DPYSL2: variants seen among roughly 807,000 people sequenced by gnomAD.
DPYSL2 encodes the protein dihydropyrimidinase-related protein 2.
In DPYSL2, 13 loss-of-function variants were observed where a neutral mutation model predicts 69.9. The ratio of observed to expected loss-of-function variants is 0.19; its 90% CI spans 0.12 to 0.30. DPYSL2 has a LOEUF of 0.30. Ranked by LOEUF, DPYSL2 falls within the 10% of genes least tolerant of loss-of-function variation. The pLI is 1.00. For missense variants in DPYSL2, 587 were observed against 918.9 expected, an observed-to-expected ratio of 0.64 and a Z score of 4.67; for synonymous variants, 326 against 359.1, an observed-to-expected ratio of 0.91 and a Z score of 1.04.
intron 1 of DPYSL2, chr8:26,577,744 G>C (rs1801386348): frequency 2.1e-6 from 2 of 945,088 alleles, no homozygotes; most frequent in African/African-American, 1.8e-5. Context: ...GCGGGCGCTC[G>C]CGCCGCCTGC....
At position 26,648,294 on chromosome 8, in the gene DPYSL2, T is replaced by A. The variant is rs573460706; in HGVS notation, c.1596+494T>A. 2.0e-5 allele frequency among the ~76,000 whole-genome samples: 3 copies of A among 152,334 alleles called. No individual in the cohort carries two copies. Among genetic ancestry groups the A allele is most frequent in the Non-Finnish European group, 4.4e-5 (3 of 68,026 alleles). On this transcript the variant is annotated intron_variant, in intron 11 of 13. Transcript: ENST00000521913. The surrounding 1 kb of genome is among the most constrained non-coding windows in gnomAD (Gnocchi z 4.3). ...TATTATCTTAAAGGAATTGATTGAC[T>A]GACTTCTCCCTAACAGAAGTACCCC...
chr8:26,630,682 G>A (rs565687441), intron 7 of DPYSL2, among the ~76,000 whole-genome samples: 1 of 152,290 alleles, frequency 6.6e-6, no homozygotes, highest in Non-Finnish European at 1.5e-5. Flanking sequence ...CCCATGAGTG[G>A]TGGTACCAGA....
At chr8:26,572,297 C>T (rs997279728) in intron 1 of DPYSL2, among the ~76,000 whole-genome samples, 5 of 152,204 alleles carry the variant, frequency 3.3e-5, no homozygotes, top group African/African-American at 9.7e-5. Context: ...CGGGCAGATG[C>T]TGAGGAACTG....
Position 26,587,069 on chromosome 8 carries a change from G to A in DPYSL2, c.628+3086G>A, listed in dbSNP as rs982236697. Among the ~76,000 whole-genome samples the A allele has an allele frequency of 6.6e-6, 1 of 152,202 alleles. No homozygotes were observed. The highest frequency in any genetic ancestry group is 2.4e-5 in the African/African-American group (1 of 41,434). On this transcript the variant is annotated intron_variant, in intron 3 of 13. Coordinates refer to ENST00000521913, the MANE Select transcript of DPYSL2 (RefSeq NM_001197293.3). This position sits in a 1 kb window ranked among gnomAD's most constrained non-coding sequence, Gnocchi z 4.2. ...AGGGAATGGTAATAATACAGGTGAG[G>A]AACTGAGGAATTTTTATCCTTTTTC...
intron 1 of DPYSL2, among the ~76,000 whole-genome samples, chr8:26,529,257 T>TATCTATC (rs1554531956): frequency 6.7e-6 from 1 of 149,088 alleles, no homozygotes; most frequent in African/African-American, 2.5e-5. Flanking sequence ...TCTATCTATC[T>TATCTATC]ATCTATCTAT....
intron 1 of DPYSL2, among the ~76,000 whole-genome samples, chr8:26,554,719 A>G (rs1026829750): frequency 6.6e-6 from 1 of 152,272 alleles, no homozygotes; most frequent in African/African-American, 2.4e-5. Flanking sequence ...CCAATTCTCT[A>G]TAATCTTTTC....
intron 1 of DPYSL2, among the ~76,000 whole-genome samples, chr8:26,579,919 CAA>C (rs1801447211): frequency 1.1e-5 from 1 of 95,124 alleles, no homozygotes; most frequent in African/African-American, 3.6e-5. Flanking sequence ...AAACGATCAA[CAA>C]GACTTTTTTT....
chr8:26,646,799 G>T (rs75851366), intron 10 of DPYSL2, among the ~76,000 whole-genome samples: 3 of 152,034 alleles, frequency 2.0e-5, no homozygotes, highest in African/African-American at 7.2e-5. Flanking sequence ...GAGCCCAGCT[G>T]GGCAACATAG....
chr8:26,522,364 C>T (rs928909357), intron 1 of DPYSL2, among the ~76,000 whole-genome samples: 5 of 152,128 alleles, frequency 3.3e-5, no homozygotes, highest in Admixed American at 3.3e-4. Flanking sequence ...TTGTGTTCTG[C>T]CTAGAAGTAG....
At chr8:26,569,419 G>T (rs1801204302) in intron 1 of DPYSL2, among the ~76,000 whole-genome samples, 1 of 151,334 alleles carries the variant, frequency 6.6e-6, no homozygotes, top group Non-Finnish European at 1.5e-5. Context: ...GGATGAATCA[G>T]GATTAGAGAA....
At chr8:26,556,646 T>C (rs1381839693) in intron 1 of DPYSL2, among the ~76,000 whole-genome samples, 1 of 151,784 alleles carries the variant, frequency 6.6e-6, no homozygotes, top group Non-Finnish European at 1.5e-5. Flanking sequence ...ATTTTTTGTG[T>C]TCATAGATAG....
At chr8:26,578,603 A>C in intron 1 of DPYSL2, 1 of 1,256,978 alleles carries the variant, frequency 8.0e-7, no homozygotes. Flanking sequence ...CGCGGGGTGC[A>C]AGCAAATGGA....
intron 3 of DPYSL2, among the ~76,000 whole-genome samples, chr8:26,615,362 G>T (rs1035840876): frequency 6.6e-6 from 1 of 152,172 alleles, no homozygotes; most frequent in African/African-American, 2.4e-5. Flanking sequence ...TCACTGGCGT[G>T]TGCTAACCAA....
chr8:26,581,128 A>C (rs930834198), intron 1 of DPYSL2, among the ~76,000 whole-genome samples: 1 of 152,216 alleles, frequency 6.6e-6, no homozygotes, highest in Non-Finnish European at 1.5e-5. Context: ...TCTTTTTGCT[A>C]TACTTGCTGT....
At chr8:26,618,244 T>TTG (rs1802399304) in intron 3 of DPYSL2, among the ~76,000 whole-genome samples, 1 of 152,080 alleles carries the variant, frequency 6.6e-6, no homozygotes, top group African/African-American at 2.4e-5. Context: ...GCCAGGCATT[T>TTG]TGCCAGGTGC....
At position 26,627,707 on chromosome 8, in the gene DPYSL2, A is replaced by C. The variant is rs1802651985; in HGVS notation, c.937-165A>C. Among the ~76,000 whole-genome samples, 1 of 152,176 alleles carries C rather than the reference A, an allele frequency of 6.6e-6. No individual in the cohort carries two copies. Among genetic ancestry groups the C allele is most frequent in the East Asian group, 1.9e-4 (1 of 5,188 alleles). On this transcript the variant is annotated intron_variant, in intron 6 of 13. Coordinates refer to ENST00000521913, the MANE Select transcript of DPYSL2 (RefSeq NM_001197293.3). This position sits in a 1 kb window ranked among gnomAD's most constrained non-coding sequence, Gnocchi z 6.9. The stretch of plus-strand genomic sequence containing the variant: ...CCATCCTGCTCAGGCGGGACTGGGA[A>C]CAGGGCAGTGAACCCTTCTCTTCAT...
intron 1 of DPYSL2, among the ~76,000 whole-genome samples, chr8:26,567,979 T>A (rs1038709518): frequency 6.6e-6 from 1 of 152,170 alleles, no homozygotes; most frequent in Admixed American, 6.5e-5. Context: ...GAGGGACATA[T>A]GCAGGCACTC....
rs940131706 is a variant in DPYSL2 at position 26,654,271 on chromosome 8, C to T, written c.1942+874C>T. Among the ~76,000 whole-genome samples, 5 of 152,194 alleles carry T rather than the reference C, an allele frequency of 3.3e-5. No homozygotes were observed. The highest frequency in any genetic ancestry group is 1.2e-4 in the African/African-American group (5 of 41,442). The stretch of plus-strand genomic sequence containing the variant: ...GCTTGGGTAATTTGTGTGATATCCC[C>T]TTGGTGAGAGGAAAGGGTTCAGATT... On this transcript the variant is annotated intron_variant, in intron 13 of 13. Transcript: ENST00000521913. This position sits in a 1 kb window ranked among gnomAD's most constrained non-coding sequence, Gnocchi z 5.0.
At chr8:26,538,449 C>T (rs1281476263) in intron 1 of DPYSL2, among the ~76,000 whole-genome samples, 2 of 152,176 alleles carry the variant, frequency 1.3e-5, no homozygotes, top group African/African-American at 4.8e-5. Flanking sequence ...CAAGAGCGAT[C>T]CCTTGGCATG....
Sources: allele counts gnomAD v4.1 joint callset (sites outside exome capture counted in the v4.1 genomes callset), GRCh38; gene constraint gnomAD v4.1.1; non-coding constraint Gnocchi (gnomAD v3.1); transcripts MANE v1.5; gene names NCBI Gene and HGNC (gene_info 2026-07-23, HGNC 2026-07-21).